LATS1: variants seen among roughly 807,000 people sequenced by gnomAD.
LATS1 encodes the protein serine/threonine-protein kinase LATS1.
In LATS1, 25 loss-of-function variants were observed where a neutral mutation model predicts 106.6. That is an observed-to-expected ratio of 0.23 (90% confidence interval 0.17 to 0.33). LATS1 has a LOEUF of 0.33. Ranked by LOEUF, LATS1 falls within the 10% of genes least tolerant of loss-of-function variation. The pLI, the probability that LATS1 is intolerant of heterozygous loss-of-function variation, is 1.00. For missense variants in LATS1, 1,040 were observed against 1,382.6 expected, an observed-to-expected ratio of 0.75 and a Z score of 3.93; for synonymous variants, 465 against 455.6, an observed-to-expected ratio of 1.02 and a Z score of -0.26.
intron 2 of LATS1, among the ~76,000 whole-genome samples, chr6:149,696,561 A>T (rs1281797665): frequency 2.8e-5 from 4 of 142,872 alleles, no homozygotes; most frequent in African/African-American, 1.0e-4. Context: ...CTCCGTCTTA[A>T]AAAAAAAAAA....
At position 149,702,097 on chromosome 6, in the gene LATS1, A is replaced by G; in HGVS notation, c.30T>C (p.Tyr10=). The G allele has an allele frequency of 8.7e-6, 14 of 1,612,354 alleles. No homozygotes were observed. The highest frequency in any genetic ancestry group is 1.3e-5 in the African/African-American group (1 of 74,922). ...GAAAGGTCTTAGGCCTCATTTGTCT[A>G]TATCCTTCTGGCTTTTCACTCCTCT... MKRSEKPEG[Y]RQMRPKTFPA... is the part of the protein sequence containing the mutation. The change falls in exon 2 of 8, where the codon TAT becomes TAC. Residue 10 remains tyrosine (Y), a synonymous_variant. Transcript: ENST00000543571.
rs1251305858 is a variant in LATS1, at chr6:149,660,112, A to G, written c.*1617T>C. ...CCTACAGCCTGTGATAGGTTTCAAT[A>G]TGTCCAAAATCCCTTGAAACTGCAT... is the stretch of plus-strand genomic sequence containing the variant. On this transcript the variant is annotated 3_prime_UTR_variant, in exon 8 of 8. Transcript: ENST00000543571. The G allele has an allele frequency of 4.3e-6, 1 of 232,224 alleles. No individual in the cohort carries two copies. The allele number at this position is 232,224 out of a possible 1,614,324, so 14.4% of individuals were successfully genotyped here.
rs771603665 is a variant in LATS1, at chr6:149,676,376, CAA to C, written c.2777-12_2777-11del. 1.1e-5 allele frequency: 18 copies of C among 1,577,646 alleles called. No individual in the cohort carries two copies. The highest frequency in any genetic ancestry group is 1.4e-5 in the Non-Finnish European group (16 of 1,150,730). On this transcript the variant is annotated splice_polypyrimidine_tract_variant and intron_variant, in intron 6 of 7. Transcript: ENST00000543571. ...CACAACTGTGTGTATCCTAAAATAA[CAA>C]AGTTATTTATAAGCACTTTAAAAAT...
intron 1 of LATS1, among the ~76,000 whole-genome samples, chr6:149,704,907 C>G (rs1783672687): frequency 6.6e-6 from 1 of 151,144 alleles, no homozygotes; most frequent in Admixed American, 6.6e-5. Flanking sequence ...CACACACACA[C>G]ACACACACAC....
Position 149,668,422 on chromosome 6 carries a change from A to C in LATS1, c.2884-6184T>G, listed in dbSNP as rs995580198. Among the ~76,000 whole-genome samples, 5 of 150,030 alleles carry C rather than the reference A, an allele frequency of 3.3e-5. No individual in the cohort carries two copies. The Admixed American group carries it at 3.4e-4, about 10-fold the overall frequency. ...ACGCTAAATATCCAGGTAAACATAA[A>C]TGACTATTCTTCTCATCTTGATTTT... On this transcript the variant is annotated intron_variant, in intron 7 of 7. Transcript: ENST00000543571.
intron 3 of LATS1, among the ~76,000 whole-genome samples, 188 bp from the exon 4 acceptor site, chr6:149,684,780 A>C (rs1368551780): frequency 6.6e-6 from 1 of 152,144 alleles, no homozygotes; most frequent in Non-Finnish European, 1.5e-5. Flanking sequence ...AACGTATTGT[A>C]CTCCTGAAAA....
In LATS1 at chr6:149,659,063, A is replaced by G. The variant is rs545730198; in HGVS notation, c.*2666T>C. On this transcript the variant is annotated 3_prime_UTR_variant, in exon 8 of 8. Transcript: ENST00000543571. The stretch of plus-strand genomic sequence containing the variant: ...TGGAAGAAGTAGATGTAGTTTTGGA[A>G]TAAGATAGCTGATAAGTATATCCAA... The G allele has an allele frequency of 2.0e-4, 31 of 154,028 alleles. No individual in the cohort carries two copies. The highest frequency in any genetic ancestry group is 3.6e-4 in the Non-Finnish European group (25 of 69,044). 9.5% of individuals were successfully genotyped at this position (154,028 alleles called of 1,614,324 possible).
intron 7 of LATS1, among the ~76,000 whole-genome samples, chr6:149,665,475 G>C (rs1175366851): frequency 6.6e-6 from 1 of 152,196 alleles, no homozygotes; most frequent in Admixed American, 6.5e-5. Context: ...ATGCAGTTAT[G>C]AGATATTGGC....
At chr6:149,663,999 G>T (rs1291327391) in intron 7 of LATS1, among the ~76,000 whole-genome samples, 1 of 151,814 alleles carries the variant, frequency 6.6e-6, no homozygotes, top group African/African-American at 2.4e-5. Flanking sequence ...TAGTAGAGAC[G>T]GGGTTTCACC....
At chr6:149,679,242 T>C (rs1353169716) in intron 5 of LATS1, among the ~76,000 whole-genome samples, 3 of 152,072 alleles carry the variant, frequency 2.0e-5, no homozygotes, top group Non-Finnish European at 4.4e-5. Context: ...TGAGGATTCA[T>C]TAAAAAATTA....
intron 3 of LATS1, among the ~76,000 whole-genome samples, chr6:149,691,960 T>C (rs1464476295): frequency 2.0e-5 from 3 of 152,162 alleles, no homozygotes. Flanking sequence ...CCTTGTCAAT[T>C]TTACCACTCC....
chr6:149,704,381 T>C (rs1297918230), intron 1 of LATS1, among the ~76,000 whole-genome samples: 3 of 152,120 alleles, frequency 2.0e-5, no homozygotes, highest in African/African-American at 4.8e-5. Context: ...AAATTCACCA[T>C]ACTGTATACA....
At chr6:149,691,659 C>G (rs1380729189) in intron 3 of LATS1, among the ~76,000 whole-genome samples, 2 of 152,122 alleles carry the variant, frequency 1.3e-5, no homozygotes, top group Admixed American at 6.6e-5. Context: ...CCCCTTCCTA[C>G]TAGCTATTAA....
chr6:149,674,154 A>C (rs188800734), intron 7 of LATS1, among the ~76,000 whole-genome samples: 1 of 151,468 alleles, frequency 6.6e-6, no homozygotes, highest in Admixed American at 6.6e-5. Flanking sequence ...AGCTCACTGC[A>C]ACCTCTGCCT....
chr6:149,660,530 A>G lies in LATS1; in HGVS notation c.*1199T>C, dbSNP rs1452371124. 1 of 232,906 alleles carries G rather than the reference A, an allele frequency of 4.3e-6. No homozygotes were observed. The highest frequency in any genetic ancestry group is 8.5e-6 in the Non-Finnish European group (1 of 117,944). 14.4% of individuals were successfully genotyped at this position (232,906 alleles called of 1,614,324 possible). A position where few individuals can be genotyped will look rare whatever the true frequency, so the allele number is the denominator to read the frequency against. ...CACAACACAAATTTTACTATGGTCA[A>G]AATGGAGCCTTTTTCCCCTTCCTAA... is the stretch of plus-strand genomic sequence containing the variant. On this transcript the variant is annotated 3_prime_UTR_variant, in exon 8 of 8. Transcript: ENST00000543571.
At chr6:149,685,748 A>G (rs182125901) in intron 3 of LATS1, among the ~76,000 whole-genome samples, 3 of 152,314 alleles carry the variant, frequency 2.0e-5, no homozygotes, top group African/African-American at 7.2e-5. Flanking sequence ...TATTAAATAA[A>G]GTATAGATTT....
At chr6:149,692,877 T>C (rs1782846648) in intron 3 of LATS1, among the ~76,000 whole-genome samples, 1 of 151,980 alleles carries the variant, frequency 6.6e-6, no homozygotes, top group African/African-American at 2.4e-5. Context: ...TTTCTTCATG[T>C]TGGTCTGGCT....
At position 149,680,407 on chromosome 6, in the gene LATS1, T is replaced by C. The variant is rs368051266; in HGVS notation, c.2061A>G (p.Gln687=). 7 of 1,613,436 alleles carry C rather than the reference T, an allele frequency of 4.3e-6. No homozygotes were observed. Among genetic ancestry groups the C allele is most frequent in the African/African-American group, 4.0e-5 (3 of 74,892 alleles). Residue 687 remains glutamine (Q), a synonymous_variant, in exon 5 of 8, where the codon CAA becomes CAG. Transcript: ENST00000543571. ...TAAGACGGATGTAATTAGATTCTTT[T>C]TGGCAAAGCATCTTTCTCATTTGAT... is the stretch of plus-strand genomic sequence containing the variant. ...AQDQMRKMLC[Q]KESNYIRLKR... is the part of the protein sequence containing the mutation.
intron 4 of LATS1, among the ~76,000 whole-genome samples, chr6:149,681,015 C>A (rs1223889784): frequency 6.6e-6 from 1 of 152,074 alleles, no homozygotes; most frequent in Non-Finnish European, 1.5e-5. Flanking sequence ...CATTAATAAT[C>A]TTTCCTTTTC....
Sources: gnomAD v4.1 joint callset for allele counts (sites outside exome capture counted in the v4.1 genomes callset) on GRCh38, gnomAD v4.1.1 for gene constraint, MANE v1.5 for transcripts, NCBI Gene and HGNC (gene_info 2026-07-23, HGNC 2026-07-21) for gene names.